Variants in ZFHX3 observed in about 807,000 individuals in gnomAD.
ZFHX3 encodes the protein zinc finger homeobox protein 3.
Under a neutral mutation model 279.1 loss-of-function variants are expected in ZFHX3, and 42 were observed. That is an observed-to-expected ratio of 0.15 (90% confidence interval 0.12 to 0.19). The LOEUF (loss-of-function observed/expected upper bound fraction) is 0.19. ZFHX3 is among the 10% of genes least tolerant of loss of function. ZFHX3 has a pLI of 1.00. For missense variants in ZFHX3, 4,981 were observed against 4,754.0 expected (o/e 1.05, Z -1.40); for synonymous variants, 2,293 against 1,957.8 (o/e 1.17, Z -4.52).
intron 2 of ZFHX3, among the ~76,000 whole-genome samples, chr16:73,606,813 A>G (rs2052189834): frequency 1.3e-5 from 2 of 152,094 alleles, no homozygotes; most frequent in South Asian, 2.1e-4. Flanking sequence ...GTTCCCACTT[A>G]TAAGTGAGAA....
intron 3 of ZFHX3, among the ~76,000 whole-genome samples, chr16:72,937,876 C>T (rs1960204925): frequency 6.6e-6 from 1 of 152,228 alleles, no homozygotes. Context: ...TCTTAACCCT[C>T]CACTTGTAAA....
At chr16:73,457,910 C>A (rs1249144064) in intron 2 of ZFHX3, among the ~76,000 whole-genome samples, 1 of 152,210 alleles carries the variant, frequency 6.6e-6, no homozygotes, top group Non-Finnish European at 1.5e-5. Context: ...CTTTCCATCC[C>A]AACTTCCTTC....
At chr16:73,347,482 G>C (rs1488598864) in intron 3 of ZFHX3, among the ~76,000 whole-genome samples, 1 of 152,224 alleles carries the variant, frequency 6.6e-6, no homozygotes, top group African/African-American at 2.4e-5. Flanking sequence ...TCCTTGCCCA[G>C]TGGGTGTCTC....
At position 72,953,192 on chromosome 16, in the gene ZFHX3, C is replaced by A. The variant is rs147086440; in HGVS notation, c.2720-2227G>T. Among the ~76,000 whole-genome samples, 508 of 151,946 alleles carry A rather than the reference C, an allele frequency of 3.3e-3. 1 individual carries two copies. Among genetic ancestry groups the A allele is most frequent in the South Asian group, 0.015 (74 of 4,810 alleles). On this transcript the variant is annotated intron_variant, in intron 2 of 9. Coordinates refer to ENST00000268489, the MANE Select transcript of ZFHX3 (RefSeq NM_006885.4). ...TCTTTTGCACATGCATTCCAGAAGG[C>A]TTAGGAAGCTTTCGGCTTGTTGTCT...
intron 1 of ZFHX3, among the ~76,000 whole-genome samples, chr16:73,740,579 T>C (rs369738603): frequency 1.5e-4 from 23 of 152,308 alleles, no homozygotes; most frequent in East Asian, 7.7e-4. Context: ...ACATCATCCA[T>C]AATAGGATGG....
rs1454960568 is a variant in ZFHX3, at chr16:72,924,304, C to T, written c.3216+26165G>A. ...AAACAGGGCAGCTCTGGGGCAACAC[C>T]GCAGGCCCTTCCTAGGAATAGTTCA... is the stretch of plus-strand genomic sequence containing the variant. On this transcript the variant is annotated intron_variant, in intron 3 of 9. Coordinates refer to ENST00000268489, the MANE Select transcript of ZFHX3 (RefSeq NM_006885.4). 2.6e-5 allele frequency among the ~76,000 whole-genome samples: 4 copies of T among 152,298 alleles called. No individual in the cohort carries two copies. The East Asian group carries it at 7.7e-4, about 29-fold the overall frequency.
At chr16:73,546,716 C>CTGCTGCTGCTGCTGT (rs2143762355) in intron 2 of ZFHX3, among the ~76,000 whole-genome samples, 1 of 121,382 alleles carries the variant, frequency 8.2e-6, no homozygotes, top group African/African-American at 3.4e-5. Flanking sequence ...GCTGCTGCTG[C>CTGCTGCTGCTGCTGT]TGCTGCTGCT....
chr16:73,262,697 G>T (rs2013859351), intron 4 of ZFHX3, among the ~76,000 whole-genome samples: 1 of 152,104 alleles, frequency 6.6e-6, no homozygotes, highest in Admixed American at 6.5e-5. Flanking sequence ...CTCTTATCAA[G>T]AAAAAGAGTG....
intron 1 of ZFHX3, among the ~76,000 whole-genome samples, chr16:73,868,048 A>C (rs1962073294): frequency 6.6e-6 from 1 of 152,122 alleles, no homozygotes; most frequent in Non-Finnish European, 1.5e-5. Flanking sequence ...GCCCCTCCCT[A>C]AACCTGGTCT....
chr16:73,658,583 A>G (rs994582172), intron 2 of ZFHX3, among the ~76,000 whole-genome samples: 1 of 152,174 alleles, frequency 6.6e-6, no homozygotes, highest in Non-Finnish European at 1.5e-5. Flanking sequence ...GATTACAGGC[A>G]TGAGCCGCCG....
intron 2 of ZFHX3, among the ~76,000 whole-genome samples, chr16:73,534,421 G>GTC (rs922601436): frequency 5.3e-5 from 8 of 152,018 alleles, no homozygotes; most frequent in African/African-American, 1.9e-4. Flanking sequence ...TTACCCTTCT[G>GTC]TCTCTCTCGG....
chr16:73,111,482 C>T (rs1039279297), intron 7 of ZFHX3, among the ~76,000 whole-genome samples: 3 of 152,054 alleles, frequency 2.0e-5, no homozygotes, highest in African/African-American at 7.2e-5. Flanking sequence ...ATTGCACCAA[C>T]CCATTCAGAA....
chr16:73,426,604 G>A (rs1243823244), intron 3 of ZFHX3, among the ~76,000 whole-genome samples: 1 of 152,022 alleles, frequency 6.6e-6, no homozygotes, highest in East Asian at 1.9e-4. Flanking sequence ...GTGAGAGAGA[G>A]AGCCATTCAT....
At chr16:73,381,615 T>C (rs1216458808) in intron 3 of ZFHX3, among the ~76,000 whole-genome samples, 1 of 152,176 alleles carries the variant, frequency 6.6e-6, no homozygotes, top group Non-Finnish European at 1.5e-5. Flanking sequence ...AGAGCAGAGA[T>C]TGGCAAGCTT....
chr16:73,190,098 G>A (rs911067821), intron 5 of ZFHX3, among the ~76,000 whole-genome samples: 4 of 152,204 alleles, frequency 2.6e-5, no homozygotes, highest in Non-Finnish European at 1.5e-5. Context: ...TTCTTCATAA[G>A]ATAGAGTGAG....
At chr16:73,684,695 CTTT>C (rs201167110) in intron 1 of ZFHX3, among the ~76,000 whole-genome samples, 136 of 137,512 alleles carry the variant, frequency 9.9e-4, no homozygotes, top group African/African-American at 3.7e-3. Flanking sequence ...CACAAGGGTC[CTTT>C]TTTTTTTTTT....
chr16:73,657,346 A>G (rs146175567), intron 2 of ZFHX3, among the ~76,000 whole-genome samples: 2,802 of 152,322 alleles, frequency 0.018, 91 homozygotes, highest in African/African-American at 0.065. Context: ...AATCCCAGCT[A>G]CTTGGGAGGC....
intron 2 of ZFHX3, among the ~76,000 whole-genome samples, chr16:73,502,806 T>G (rs2019262900): frequency 1.3e-5 from 2 of 152,368 alleles, no homozygotes; most frequent in African/African-American, 2.4e-5. Context: ...ATTCCAGTTC[T>G]TTCTGATCCC....
At chr16:73,763,837 C>G (rs1012865083) in intron 1 of ZFHX3, among the ~76,000 whole-genome samples, 9 of 150,904 alleles carry the variant, frequency 6.0e-5, no homozygotes, top group African/African-American at 2.0e-4. Context: ...AAGATTCTCC[C>G]TCTCCCTTGC....
Sources: allele counts gnomAD v4.1 joint callset (sites outside exome capture counted in the v4.1 genomes callset), GRCh38; gene constraint gnomAD v4.1.1; transcripts MANE v1.5; gene names NCBI Gene and HGNC (gene_info 2026-07-23, HGNC 2026-07-21).